The following ST14 variants were observed in gnomAD, a reference collection of about 807,000 sequenced individuals.
ST14 encodes the protein suppressor of tumorigenicity 14 protein.
A neutral mutation model predicts 96.5 loss-of-function variants in ST14; 40 were observed. The observed-to-expected ratio is 0.41, with a 90% CI of 0.32 to 0.54. The LOEUF is 0.54. Among genes scored for constraint, ST14 ranks in the 20% least tolerant of loss-of-function variants. The pLI is 0.17. For missense variants in ST14, 1,066 were observed against 1,188.9 expected, an observed-to-expected ratio of 0.90 and a Z score of 1.52; for synonymous variants, 506 against 492.1, an observed-to-expected ratio of 1.03 and a Z score of -0.37.
intron 16 of ST14, among the ~76,000 whole-genome samples, chr11:130,203,260 C>T (rs922334238): frequency 2.6e-5 from 4 of 152,114 alleles, no homozygotes; most frequent in East Asian, 1.9e-4. Context: ...GGATGGCTCT[C>T]CCCTCTCCCC....
intron 1 of ST14, among the ~76,000 whole-genome samples, chr11:130,174,094 C>T (rs1474941520): frequency 6.6e-6 from 1 of 152,144 alleles, no homozygotes; most frequent in East Asian, 1.9e-4. Context: ...TTCTTTAAGA[C>T]AAGTTAGGGA....
intron 16 of ST14, among the ~76,000 whole-genome samples, chr11:130,206,410 C>T (rs1591897634): frequency 2.0e-5 from 3 of 152,234 alleles, no homozygotes; most frequent in Admixed American, 2.0e-4. Flanking sequence ...GTGTCTCGTT[C>T]TCCAGCCGTA....
At chr11:130,208,358 G>C (rs1344695502) in intron 16 of ST14, 52 bp from the exon 17 acceptor site, 3 of 1,612,938 alleles carry the variant, frequency 1.9e-6, no homozygotes, top group African/African-American at 2.7e-5. Context: ...CCGCGAGGCC[G>C]TGTGCACAGA....
chr11:130,208,193 G>T (rs143227720), intron 16 of ST14, among the ~76,000 whole-genome samples: 72 of 152,322 alleles, frequency 4.7e-4, no homozygotes, highest in Non-Finnish European at 8.4e-4. Context: ...TTCAAGGAAG[G>T]GGGGGTAAAG....
At chr11:130,175,174 G>A (rs1284782646) in intron 1 of ST14, among the ~76,000 whole-genome samples, 2 of 152,042 alleles carry the variant, frequency 1.3e-5, no homozygotes, top group African/African-American at 2.4e-5. Flanking sequence ...TCTTGGATTC[G>A]TTTGTCCTTG....
intron 16 of ST14, among the ~76,000 whole-genome samples, chr11:130,202,695 C>T (rs1013636019): frequency 2.6e-5 from 4 of 152,150 alleles, no homozygotes; most frequent in East Asian, 1.9e-4. Context: ...TGGGCACTGC[C>T]GGGAGGCGGC....
intron 16 of ST14, among the ~76,000 whole-genome samples, chr11:130,206,439 C>G (rs12271379): frequency 1.3e-5 from 2 of 151,852 alleles, no homozygotes; most frequent in African/African-American, 4.8e-5. Context: ...GGCGTCTCAG[C>G]GTCCGTTGGT....
chr11:130,197,968 G>C (rs1268464996), intron 12 of ST14, 23 bp downstream of exon 12: 3 of 1,553,404 alleles, frequency 1.9e-6, no homozygotes, highest in Middle Eastern at 1.7e-4. Context: ...GGGAGCCCCG[G>C]TCTCCCCACC....
At chr11:130,189,287 G>A (rs1953270108) in intron 4 of ST14, 2 of 477,916 alleles carry the variant, frequency 4.2e-6, no homozygotes, top group Non-Finnish European at 7.6e-6. Flanking sequence ...TTCTGTGCTT[G>A]AGCAGTTTTT....
intron 16 of ST14, among the ~76,000 whole-genome samples, chr11:130,201,539 G>C (rs1953428361): frequency 6.6e-6 from 1 of 152,276 alleles, no homozygotes; most frequent in Non-Finnish European, 1.5e-5. Context: ...AGTGGACCCA[G>C]TTCCATGGTC....
intron 1 of ST14, among the ~76,000 whole-genome samples, chr11:130,166,464 C>T (rs912727851): frequency 6.6e-6 from 1 of 152,164 alleles, no homozygotes; most frequent in Non-Finnish European, 1.5e-5. Flanking sequence ...TGGGTGGTGA[C>T]CTCAGGCTGC....
chr11:130,166,259 C>T (rs929957518), intron 1 of ST14, among the ~76,000 whole-genome samples: 2 of 152,242 alleles, frequency 1.3e-5, no homozygotes, highest in African/African-American at 2.4e-5. Flanking sequence ...TCTTTCCCCT[C>T]CTTGCTGTCT....
intron 7 of ST14, among the ~76,000 whole-genome samples, chr11:130,191,689 CAAAAAAAA>C (rs4054265): frequency 9.2e-6 from 1 of 109,050 alleles, no homozygotes; most frequent in Non-Finnish European, 1.8e-5. Context: ...GACTCTGTCT[CAAAAAAAA>C]AAAAAAAAAA....
chr11:130,205,976 C>T (rs756700380), intron 16 of ST14, among the ~76,000 whole-genome samples: 2 of 152,174 alleles, frequency 1.3e-5, no homozygotes, highest in South Asian at 2.1e-4. Flanking sequence ...GGATTACAGG[C>T]GTGAGCCACC....
chr11:130,175,335 A>G (rs1279977025), intron 1 of ST14, among the ~76,000 whole-genome samples: 1 of 151,644 alleles, frequency 6.6e-6, no homozygotes, highest in Non-Finnish European at 1.5e-5. Context: ...TTGAAATGGA[A>G]TATCACTCTT....
At chr11:130,190,925 G>C (rs1953291327) in intron 7 of ST14, among the ~76,000 whole-genome samples, 1 of 152,268 alleles carries the variant, frequency 6.6e-6, no homozygotes, top group African/African-American at 2.4e-5. Flanking sequence ...ATAGTCCCCA[G>C]ATACCAAATC....
At position 130,195,893 on chromosome 11, in the gene ST14, G is replaced by C. The variant is rs557695341; in HGVS notation, c.1114-446G>C. 4.6e-3 allele frequency among the ~76,000 whole-genome samples: 696 copies of C among 150,054 alleles called. 4 individuals are homozygous for C. Among genetic ancestry groups the C allele is most frequent in the Middle Eastern group, 0.025 (7 of 280 alleles). ...GAAAAGAGGCTGGGTGTGGTGGCTC[G>C]TGCCTGTAATCCCAGCACTTTGGGA... On this transcript the variant is annotated intron_variant, in intron 9 of 18. Coordinates refer to ENST00000278742, the MANE Select transcript of ST14 (RefSeq NM_021978.4).
At chr11:130,169,419 C>T (rs1194845143) in intron 1 of ST14, among the ~76,000 whole-genome samples, 1 of 152,026 alleles carries the variant, frequency 6.6e-6, no homozygotes, top group Non-Finnish European at 1.5e-5. Flanking sequence ...TTTGAAATGA[C>T]ACCATGTTAG....
Position 130,174,592 on chromosome 11 carries a change from A to G in ST14, c.82-13522A>G, listed in dbSNP as rs150042446. Among the ~76,000 whole-genome samples, 1,119 of 152,300 alleles carry G rather than the reference A, an allele frequency of 7.3e-3. 12 individuals carry two copies. Among genetic ancestry groups the G allele is most frequent in the African/African-American group, 0.025 (1,052 of 41,552 alleles). ...TGACATAAGTAACTCCATCTTAGAAAAAGACTTCATCTTCCATTTCATAGG... is the reference window on the plus strand; with the variant it reads ...TGACATAAGTAACTCCATCTTAGAAGAAGACTTCATCTTCCATTTCATAGG... On this transcript the variant is annotated intron_variant, in intron 1 of 18. Coordinates refer to ENST00000278742, the MANE Select transcript of ST14 (RefSeq NM_021978.4).
Sources: allele counts gnomAD v4.1 joint callset (sites outside exome capture counted in the v4.1 genomes callset), GRCh38; gene constraint gnomAD v4.1.1; transcripts MANE v1.5; gene names NCBI Gene and HGNC (gene_info 2026-07-23, HGNC 2026-07-21).